Variants in RNH1 observed in about 807,000 individuals in gnomAD.
The protein encoded by RNH1 is ribonuclease inhibitor.
A neutral mutation model predicts 46.1 loss-of-function variants in RNH1; 38 were observed. That is an observed-to-expected ratio of 0.82 (90% CI 0.64 to 1.08). The LOEUF (loss-of-function observed/expected upper bound fraction) is 1.08, where lower values mean the gene tolerates loss of function less well. Ranked by LOEUF, RNH1 falls within the 50% of genes least tolerant of loss-of-function variation. The probability of loss-of-function intolerance (pLI) is 0.00; values close to 1 mark genes in which losing one functional copy is unlikely to be tolerated. For synonymous variants in RNH1, 319 were observed against 279.1 expected (o/e 1.14, Z -1.43); for missense variants, 577 against 590.7 (o/e 0.98, Z 0.24).
chr11:504,959 C>T lies in RNH1; in HGVS notation c.-223G>A, dbSNP rs1274013478. The T allele has an allele frequency of 6.6e-6, 1 of 152,212 alleles. No individual in the cohort carries two copies. The highest frequency in any genetic ancestry group is 1.5e-5 in the Non-Finnish European group (1 of 68,042). 9.4% of individuals were successfully genotyped at this position (152,212 alleles called of 1,614,324 possible). Reference sequence around the variant, plus strand: ...GCTCGGCCGTCCTCAAAACTTTGGACACACCCTCCGTTTCTGTCAGTCAAG... The same window carrying T: ...GCTCGGCCGTCCTCAAAACTTTGGATACACCCTCCGTTTCTGTCAGTCAAG... On this transcript the variant is annotated 5_prime_UTR_variant, in exon 2 of 11. Transcript: ENST00000354420.
At chr11:496,707 C>T (rs1191603679) in intron 9 of RNH1, among the ~76,000 whole-genome samples, 2 of 152,234 alleles carry the variant, frequency 1.3e-5, no homozygotes, top group Non-Finnish European at 2.9e-5. Context: ...CATAATGGTG[C>T]ATGCTATACC....
chr11:494,518 C>G lies in RNH1; in HGVS notation c.*173G>C, dbSNP rs1313953724. 6.1e-6 allele frequency: 4 copies of G among 651,966 alleles called. No homozygotes were observed. The highest frequency in any genetic ancestry group is 1.1e-5 in the Non-Finnish European group (4 of 374,314). 40.4% of individuals were successfully genotyped at this position (651,966 alleles called of 1,614,324 possible). A position where few individuals can be genotyped will look rare whatever the true frequency, so the allele number is the denominator to read the frequency against. ...CAGGAAGGACAAGAGCCTCTCCTGC[C>G]AAGAAAGTGCTTTAATGATTATAAA... On this transcript the variant is annotated 3_prime_UTR_variant, in exon 11 of 11. Coordinates refer to ENST00000354420, the MANE Select transcript of RNH1 (RefSeq NM_203387.3).
intron 8 of RNH1, 56 bp from the exon 9 acceptor site, chr11:498,197 C>T (rs1424617738): frequency 8.4e-6 from 13 of 1,547,894 alleles, no homozygotes; most frequent in East Asian, 6.9e-5. Flanking sequence ...CCCACAGCTG[C>T]GACTGGCCCT....
rs766741522 is a variant in RNH1, at chr11:494,665, C to T, written c.*26G>A. The T allele has an allele frequency of 1.9e-6, 3 of 1,610,742 alleles. No individual in the cohort carries two copies. In the East Asian group the frequency reaches 6.7e-5, roughly 36 times the overall value. ...CAGGGTTGCCTCGAGGCCGGTCGTC[C>T]AGGGAGAGCAGCAGCAGGAAGAGCC... On this transcript the variant is annotated 3_prime_UTR_variant, in exon 11 of 11. Coordinates refer to ENST00000354420, the MANE Select transcript of RNH1 (RefSeq NM_203387.3).
Position 497,812 on chromosome 11 carries a change from CAT to C in RNH1, c.1127+157_1127+158del, listed in dbSNP as rs111467300. Reference sequence around the variant, plus strand: ...GCTCACGGACACCCATGCTCACACTCATATGCTCACACACGTGCTCACACTCG... The same window carrying C: ...GCTCACGGACACCCATGCTCACACTCATGCTCACACACGTGCTCACACTCG... On this transcript the variant is annotated intron_variant, in intron 9 of 10. Transcript: ENST00000354420. Among the ~76,000 whole-genome samples, 897 of 151,802 alleles carry C rather than the reference CAT, an allele frequency of 5.9e-3. 8 individuals carry two copies. Among genetic ancestry groups the C allele is most frequent in the African/African-American group, 0.018 (751 of 41,396 alleles).
chr11:494,917 C>G lies in RNH1; in HGVS notation c.1264G>C (p.Val422Leu), dbSNP rs377143259. 1.2e-6 allele frequency: 2 copies of G among 1,611,052 alleles called. No homozygotes were observed. Among genetic ancestry groups the G allele is most frequent in the East Asian group, 2.2e-5 (1 of 44,790 alleles). Residue 422 changes from valine to leucine, a missense_variant, in exon 10 of 11, where the codon GTC becomes CTC. Coordinates refer to ENST00000354420, the MANE Select transcript of RNH1 (RefSeq NM_203387.3). ...DAGILQLVES[V>L]RQPGCLLEQL... ...TCCAGGAGGCAGCCCGGCTGCCGGA[C>G]GCTCTCCACCAGCTGCAGGATGCCG...
chr11:498,243 A>G (rs1849358834), intron 8 of RNH1, 102 bp from the exon 9 acceptor site: 1 of 1,372,832 alleles, frequency 7.3e-7, no homozygotes, highest in Non-Finnish European at 9.8e-7. Flanking sequence ...GAGCAAAAAC[A>G]TCTGACAGCC....
At chr11:499,295 G>A (rs1447650850) in intron 5 of RNH1, 110 bp from the exon 6 acceptor site, 2 of 1,202,962 alleles carry the variant, frequency 1.7e-6, no homozygotes, top group East Asian at 2.5e-5. Context: ...TCTTCTGCCT[G>A]GGCATCAGGT....
chr11:502,012 C>A lies in RNH1; in HGVS notation c.101+50G>T. ...GCACCCTTCAGAGGGAGCCGCCACC[C>A]GCCAGCCTGCCCCACCAGCACCCCA... On this transcript the variant is annotated intron_variant, in intron 3 of 10. Coordinates refer to ENST00000354420, the MANE Select transcript of RNH1 (RefSeq NM_203387.3). This position sits in a 1 kb window ranked among gnomAD's most constrained non-coding sequence, Gnocchi z 5.8. The A allele has an allele frequency of 1.4e-6, 2 of 1,390,416 alleles. No individual in the cohort carries two copies. Among genetic ancestry groups the A allele is most frequent in the Non-Finnish European group, 2.0e-6 (2 of 996,620 alleles). The allele number at this position is 1,390,416 out of a possible 1,614,324, so 86.1% of individuals were successfully genotyped here. A position where few individuals can be genotyped will look rare whatever the true frequency, so the allele number is the denominator to read the frequency against.
rs1848890222 is a variant in RNH1, at chr11:494,795, A to C, written c.1299-17T>G. 6.2e-7 allele frequency: 1 copy of C among 1,613,564 alleles called. No homozygotes were observed. Among genetic ancestry groups the C allele is most frequent in the African/African-American group, 1.3e-5 (1 of 74,924 alleles). On this transcript the variant is annotated splice_polypyrimidine_tract_variant and intron_variant, in intron 10 of 10. Transcript: ENST00000354420. ...TCGTACAGGCTGCACACAGGCCAGAAGGGAGGCATGGGCCCGTGTCCTCCC... is the reference window on the plus strand; with the variant it reads ...TCGTACAGGCTGCACACAGGCCAGACGGGAGGCATGGGCCCGTGTCCTCCC...
chr11:506,402 G>A (rs776714883), intron 1 of RNH1: 1 of 152,344 alleles, frequency 6.6e-6, no homozygotes, highest in African/African-American at 2.4e-5. Context: ...GACGTGCCTG[G>A]GGCCCCTTCG....
At position 502,289 on chromosome 11, in the gene RNH1, C is replaced by A; in HGVS notation, c.-87-40G>T. 1.4e-6 allele frequency: 1 copy of A among 725,648 alleles called. No individual in the cohort carries two copies. The highest frequency in any genetic ancestry group is 1.6e-5 in the South Asian group (1 of 63,656). The allele number at this position is 725,648 out of a possible 1,614,324, so 45.0% of individuals were successfully genotyped here. On this transcript the variant is annotated intron_variant, in intron 2 of 10. Coordinates refer to ENST00000354420, the MANE Select transcript of RNH1 (RefSeq NM_203387.3). This position sits in a 1 kb window ranked among gnomAD's most constrained non-coding sequence, Gnocchi z 5.8. ...CACAGGGCTGATGTTTCAGGAGGAG[C>A]CGCAGCCTCTCCCTGGGCAAACACT...
intron 4 of RNH1, 44 bp from the exon 5 acceptor site, chr11:500,043 T>A (rs1331051616): frequency 6.7e-7 from 1 of 1,492,032 alleles, no homozygotes; most frequent in Non-Finnish European, 8.9e-7. Flanking sequence ...TGAGCCAAGC[T>A]GCCACGCCCT....
intron 1 of RNH1, chr11:506,052 T>G (rs1367778367): frequency 6.6e-6 from 1 of 152,524 alleles, no homozygotes; most frequent in Admixed American, 6.6e-5. Context: ...GCTAATTTTG[T>G]ATTTTTAGTA....
Position 498,864 on chromosome 11 carries a change from C to T in RNH1, c.684G>A (p.Ser228=), listed in dbSNP as rs1384927782. ...TGCTGCCCAGGGCCAGCTCCCGCAG[C>T]GAGGCCTTGGAGGCCACAATGCCGC... is the stretch of plus-strand genomic sequence containing the variant. ...DLCGIVASKA[S]LRELALGSNK... is the part of the protein sequence containing the mutation. Residue 228 remains serine (S), a synonymous_variant, in exon 7 of 11, where the codon TCG becomes TCA. Transcript: ENST00000354420. The T allele has an allele frequency of 2.2e-5, 36 of 1,612,062 alleles. No individual in the cohort carries two copies. Among genetic ancestry groups the T allele is most frequent in the South Asian group, 6.6e-5 (6 of 90,976 alleles).
chr11:494,609 G>C lies in RNH1; in HGVS notation c.*82C>G. The C allele has an allele frequency of 7.6e-6, 9 of 1,180,444 alleles. No individual in the cohort carries two copies. Among genetic ancestry groups the C allele is most frequent in the Non-Finnish European group, 1.1e-5 (9 of 796,900 alleles). 73.1% of individuals were successfully genotyped at this position (1,180,444 alleles called of 1,614,324 possible). A position where few individuals can be genotyped will look rare whatever the true frequency, so the allele number is the denominator to read the frequency against. On this transcript the variant is annotated 3_prime_UTR_variant, in exon 11 of 11. Transcript: ENST00000354420. Reference sequence around the variant, plus strand: ...TTTCTCTTCAAACCTAGGATATGCAGGGTGAGAGCATGGCAGGGGCTGGTG... The same window carrying C: ...TTTCTCTTCAAACCTAGGATATGCACGGTGAGAGCATGGCAGGGGCTGGTG...
intron 5 of RNH1, 65 bp downstream of exon 5, chr11:499,764 T>C (rs1018581677): frequency 5.8e-6 from 9 of 1,564,738 alleles, no homozygotes; most frequent in Middle Eastern, 1.8e-4. Context: ...CGATGTTCTA[T>C]GTAGGGGGCT....
At chr11:499,632 C>A in intron 5 of RNH1, 197 bp downstream of exon 5, 1 of 751,774 alleles carries the variant, frequency 1.3e-6, no homozygotes, top group South Asian at 1.5e-5. Context: ...TGACAGATCC[C>A]CCCAGCCCCA....
rs371007357 is a variant in RNH1, at chr11:494,652, G to A, written c.*39C>T. On this transcript the variant is annotated 3_prime_UTR_variant, in exon 11 of 11. Transcript: ENST00000354420. The stretch of plus-strand genomic sequence containing the variant: ...GGCTGGTGGGCCCCAGGGTTGCCTC[G>A]AGGCCGGTCGTCCAGGGAGAGCAGC... 36 of 1,599,324 alleles carry A rather than the reference G, an allele frequency of 2.3e-5. No homozygotes were observed. Among genetic ancestry groups the A allele is most frequent in the Non-Finnish European group, 2.9e-5 (34 of 1,168,186 alleles).
Sources: allele counts gnomAD v4.1 joint callset (sites outside exome capture counted in the v4.1 genomes callset), GRCh38; gene constraint gnomAD v4.1.1; non-coding constraint Gnocchi (gnomAD v3.1); transcripts MANE v1.5; gene names NCBI Gene and HGNC (gene_info 2026-07-23, HGNC 2026-07-21).